STXBP5L: variants seen among roughly 807,000 people sequenced by gnomAD.
STXBP5L encodes the protein syntaxin binding protein 5L.
Under a neutral mutation model 144.5 loss-of-function variants are expected in STXBP5L, and 65 were observed. The observed-to-expected ratio is 0.45, with a 90% CI of 0.37 to 0.55. STXBP5L has a LOEUF of 0.55. Among genes scored for constraint, STXBP5L ranks in the 20% least tolerant of loss-of-function variants. STXBP5L has a pLI of 0.00. For synonymous variants in STXBP5L, 505 were observed against 469.6 expected, an observed-to-expected ratio of 1.08 and a Z score of -0.97; for missense variants, 1,298 against 1,405.5, an observed-to-expected ratio of 0.92 and a Z score of 1.22.
At chr3:121,156,110 A>C (rs1037314990) in intron 8 of STXBP5L, among the ~76,000 whole-genome samples, 1 of 151,944 alleles carries the variant, frequency 6.6e-6, no homozygotes, top group African/African-American at 2.4e-5. Flanking sequence ...CAAAAAAGAA[A>C]TCTCTGCTTA....
At chr3:121,369,525 C>A (rs2045966053) in intron 20 of STXBP5L, among the ~76,000 whole-genome samples, 1 of 151,952 alleles carries the variant, frequency 6.6e-6, no homozygotes, top group African/African-American at 2.4e-5. Context: ...GGGTTGGCCA[C>A]TGGAGGTTTA....
chr3:121,395,368 G>T (rs2046703353), intron 22 of STXBP5L, among the ~76,000 whole-genome samples: 1 of 152,090 alleles, frequency 6.6e-6, no homozygotes, highest in Admixed American at 6.5e-5. Flanking sequence ...AAACAAATAA[G>T]AAATTAAAAA....
chr3:120,962,689 A>G (rs1340667668), intron 3 of STXBP5L, among the ~76,000 whole-genome samples: 1 of 152,274 alleles, frequency 6.6e-6, no homozygotes, highest in East Asian at 1.9e-4. Context: ...GCCTTGTAGT[A>G]TAGTTTGAAG....
At chr3:121,188,812 A>C (rs2047509411) in intron 9 of STXBP5L, among the ~76,000 whole-genome samples, 1 of 152,194 alleles carries the variant, frequency 6.6e-6, no homozygotes, top group South Asian at 2.1e-4. Flanking sequence ...CATATCTCCA[A>C]ATAATAAGAG....
intron 19 of STXBP5L, among the ~76,000 whole-genome samples, chr3:121,315,160 A>C (rs1011120212): frequency 6.6e-6 from 1 of 152,186 alleles, no homozygotes; most frequent in African/African-American, 2.4e-5. Flanking sequence ...ATTATAAATC[A>C]TGCTGCTATA....
intron 20 of STXBP5L, chr3:121,357,676 T>C (rs1226276800): frequency 6.6e-6 from 1 of 152,206 alleles, no homozygotes; most frequent in African/African-American, 2.4e-5. Context: ...CATGAATATA[T>C]CATTTGTCTT....
chr3:121,417,453 T>A (rs1011916689), intron 25 of STXBP5L, among the ~76,000 whole-genome samples: 4 of 152,166 alleles, frequency 2.6e-5, no homozygotes, highest in African/African-American at 9.7e-5. Flanking sequence ...ATAGCTGTTT[T>A]TTTTTCCTTA....
At chr3:121,353,347 C>T (rs991288849) in intron 20 of STXBP5L, among the ~76,000 whole-genome samples, 8 of 152,144 alleles carry the variant, frequency 5.3e-5, no homozygotes, top group African/African-American at 7.2e-5. Context: ...TTAATTATCA[C>T]ATCAGTTTCA....
At chr3:121,120,967 T>G (rs985516310) in intron 6 of STXBP5L, among the ~76,000 whole-genome samples, 3 of 151,176 alleles carry the variant, frequency 2.0e-5, no homozygotes, top group Non-Finnish European at 3.0e-5. Context: ...AATAGAAACA[T>G]GCCAGATATG....
rs2047158982 is a variant in STXBP5L, at chr3:121,413,176, A to C, written c.2967A>C (p.Pro989=). The C allele has an allele frequency of 6.3e-7, 1 of 1,599,616 alleles. No homozygotes were observed. Among genetic ancestry groups the C allele is most frequent in the Admixed American group, 1.8e-5 (1 of 56,520 alleles). ...IMIMSLPSLR[P]MLDVNYLPLT... Reference sequence around the variant, plus strand: ...CATTCAGCCTACCTAGTCTTCGCCCAATGTTGGATGTTAATTATTTGCCAC... The same window carrying C: ...CATTCAGCCTACCTAGTCTTCGCCCCATGTTGGATGTTAATTATTTGCCAC... Residue 989 remains proline (P), a synonymous_variant, in exon 24 of 27, where the codon CCA becomes CCC. Transcript: ENST00000471454.
chr3:121,345,283 G>C (rs1006179157), intron 20 of STXBP5L, among the ~76,000 whole-genome samples: 2 of 151,998 alleles, frequency 1.3e-5, no homozygotes, highest in Non-Finnish European at 1.5e-5. Context: ...CCTTGTGATA[G>C]TTTGCTGAGA....
At chr3:121,206,763 A>G (rs1458289254) in intron 10 of STXBP5L, among the ~76,000 whole-genome samples, 1 of 152,174 alleles carries the variant, frequency 6.6e-6, no homozygotes, top group African/African-American at 2.4e-5. Context: ...GCAGTGAGCC[A>G]AGATGCTGCC....
At chr3:121,390,714 C>T (rs4327326) in intron 22 of STXBP5L, among the ~76,000 whole-genome samples, 19,229 of 152,198 alleles carry the variant, frequency 0.13, 1,354 homozygotes, top group Middle Eastern at 0.18. Context: ...TATTGGCCCC[C>T]ACTCTCTTCT....
At chr3:121,179,828 A>G (rs1398695338) in intron 9 of STXBP5L, among the ~76,000 whole-genome samples, 1 of 152,182 alleles carries the variant, frequency 6.6e-6, no homozygotes, top group Non-Finnish European at 1.5e-5. Flanking sequence ...AACAAGTAGA[A>G]GAAAGAACTT....
intron 3 of STXBP5L, among the ~76,000 whole-genome samples, chr3:120,959,389 T>C (rs891630110): frequency 5.3e-5 from 8 of 152,182 alleles, no homozygotes; most frequent in Non-Finnish European, 8.8e-5. Flanking sequence ...TTCACAGAAC[T>C]GGAAAAAACT....
intron 3 of STXBP5L, among the ~76,000 whole-genome samples, chr3:120,977,424 G>C (rs751314082): frequency 1.3e-5 from 2 of 151,712 alleles, no homozygotes; most frequent in Non-Finnish European, 2.9e-5. Flanking sequence ...CCTTTATTTT[G>C]AGCCTATATC....
At chr3:121,168,988 C>G (rs557131312) in intron 9 of STXBP5L, among the ~76,000 whole-genome samples, 4 of 152,314 alleles carry the variant, frequency 2.6e-5, no homozygotes, top group Admixed American at 6.5e-5. Flanking sequence ...GACAGCAGAT[C>G]TCGCTGCAGA....
intron 9 of STXBP5L, among the ~76,000 whole-genome samples, chr3:121,185,512 A>G (rs966498162): frequency 2.0e-5 from 3 of 152,196 alleles, no homozygotes; most frequent in Non-Finnish European, 2.9e-5. Flanking sequence ...AGCTTTCTAC[A>G]TATGGCTGGC....
intron 3 of STXBP5L, among the ~76,000 whole-genome samples, chr3:120,962,242 T>C (rs900325922): frequency 1.3e-5 from 2 of 152,216 alleles, no homozygotes; most frequent in African/African-American, 4.8e-5. Flanking sequence ...TTCATTCTGA[T>C]GGTAGTTTCT....
Sources: gnomAD v4.1 joint callset for allele counts (sites outside exome capture counted in the v4.1 genomes callset) on GRCh38, gnomAD v4.1.1 for gene constraint, MANE v1.5 for transcripts, NCBI Gene and HGNC (gene_info 2026-07-23, HGNC 2026-07-21) for gene names.